RANBP17: variants seen among roughly 807,000 people sequenced by gnomAD.
RANBP17 encodes the protein RAN binding protein 17, also known as ran-binding protein 17.
A neutral mutation model predicts 141.2 loss-of-function variants in RANBP17; 158 were observed. That is an observed-to-expected ratio of 1.12 (90% CI 0.98 to 1.28). The LOEUF (loss-of-function observed/expected upper bound fraction) is 1.28, where lower values mean the gene tolerates loss of function less well. RANBP17 is among the 50% of genes most tolerant of loss of function. The pLI, the probability that RANBP17 is intolerant of heterozygous loss-of-function variation, is 0.00. For synonymous variants in RANBP17, 430 were observed against 450.0 expected (o/e 0.96, Z 0.56); for missense variants, 1,438 against 1,290.7 (o/e 1.11, Z -1.75).
intron 14 of RANBP17, among the ~76,000 whole-genome samples, chr5:171,033,159 T>C (rs1781657340): frequency 6.7e-6 from 1 of 149,512 alleles, no homozygotes; most frequent in Admixed American, 6.8e-5. Context: ...AGATGAGACG[T>C]TTTACTGCTA....
intron 14 of RANBP17, among the ~76,000 whole-genome samples, chr5:171,063,551 G>A (rs1784069101): frequency 6.6e-6 from 1 of 152,200 alleles, no homozygotes; most frequent in Non-Finnish European, 1.5e-5. Flanking sequence ...CCAGCCGTGT[G>A]AGGTGTCAGT....
chr5:171,005,597 G>A (rs1470878227), intron 14 of RANBP17, among the ~76,000 whole-genome samples: 2 of 152,130 alleles, frequency 1.3e-5, no homozygotes, highest in Non-Finnish European at 1.5e-5. Context: ...ATTAATTCAA[G>A]ATGGATTAAA....
Position 170,911,134 on chromosome 5 carries a change from A to C in RANBP17, c.760A>C (p.Ile254Leu), listed in dbSNP as rs1334014607. The C allele has an allele frequency of 1.9e-6, 3 of 1,611,124 alleles. No individual in the cohort carries two copies. In the East Asian group the frequency reaches 6.7e-5, roughly 36 times the overall value. Residue 254 changes from isoleucine (I) to leucine (L), a missense_variant and splice_region_variant, in exon 7 of 28, where the codon ATT becomes CTT. Physicochemically the swap from Ile to Leu is conservative, Grantham distance 5. Transcript: ENST00000523189. ...GCAGATTCCAACAACTTGGAGAACA[A>C]GTAAGAAAAAACTTTGGTATGAAGG... ...TVQIPTTWRT[I>L]FLEPETLDLF...
intron 14 of RANBP17, among the ~76,000 whole-genome samples, chr5:171,147,261 A>G (rs1024987603): frequency 1.2e-4 from 18 of 150,178 alleles, no homozygotes; most frequent in African/African-American, 3.9e-4. Context: ...AACATTTGCT[A>G]TTATTTTGTG....
intron 2 of RANBP17, among the ~76,000 whole-genome samples, 169 bp from the exon 3 acceptor site, chr5:170,881,637 G>C (rs1768700780): frequency 6.6e-6 from 1 of 152,082 alleles, no homozygotes; most frequent in Non-Finnish European, 1.5e-5. Flanking sequence ...CTGTGTATGT[G>C]TATCCTTTTC....
In RANBP17 at chr5:171,063,650, G is replaced by A. The variant is rs569799633; in HGVS notation, c.1710+95273G>A. On this transcript the variant is annotated intron_variant, in intron 14 of 27. Coordinates refer to ENST00000523189, the MANE Select transcript of RANBP17 (RefSeq NM_022897.5). ...TGAGGAGGCAGTCTGCCCGTTCTCA[G>A]ATCTCAAACTGCATGCTGGGAGAAC... Among the ~76,000 whole-genome samples, 25 of 152,370 alleles carry A rather than the reference G, an allele frequency of 1.6e-4. No homozygotes were observed. In the South Asian group the frequency reaches 5.2e-3, roughly 32 times the overall value.
At chr5:170,969,744 T>C (rs1234432733) in intron 14 of RANBP17, among the ~76,000 whole-genome samples, 2 of 152,030 alleles carry the variant, frequency 1.3e-5, no homozygotes, top group African/African-American at 2.4e-5. Context: ...AAACTTTTAA[T>C]ATAAGGTAAT....
At chr5:171,205,477 C>T (rs1216630820) in intron 19 of RANBP17, 47 bp from the exon 20 acceptor site, 2 of 1,482,546 alleles carry the variant, frequency 1.3e-6, no homozygotes, top group Non-Finnish European at 1.9e-6. Flanking sequence ...TCCATCTGCT[C>T]TGCGCTAACG....
chr5:171,149,136 C>A (rs1758294583), intron 14 of RANBP17, among the ~76,000 whole-genome samples: 1 of 152,188 alleles, frequency 6.6e-6, no homozygotes, highest in Non-Finnish European at 1.5e-5. Context: ...ATCACCTCAA[C>A]TTCCCTGGCC....
At chr5:171,024,429 A>G (rs760886757) in intron 14 of RANBP17, among the ~76,000 whole-genome samples, 5 of 152,180 alleles carry the variant, frequency 3.3e-5, no homozygotes, top group Non-Finnish European at 7.4e-5. Flanking sequence ...CTTTGTAACA[A>G]TAATGGGAAA....
intron 14 of RANBP17, among the ~76,000 whole-genome samples, chr5:170,999,836 C>T (rs1469186847): frequency 2.0e-5 from 3 of 152,122 alleles, no homozygotes; most frequent in Non-Finnish European, 4.4e-5. Flanking sequence ...ACCATCACCA[C>T]CATTCATCTC....
At chr5:171,270,115 C>G (rs1479739330) in intron 25 of RANBP17, among the ~76,000 whole-genome samples, 1 of 152,188 alleles carries the variant, frequency 6.6e-6, no homozygotes, top group African/African-American at 2.4e-5. Flanking sequence ...AACATCCTTA[C>G]AGGCCTTTCC....
chr5:171,088,940 T>C (rs1785942029), intron 14 of RANBP17, among the ~76,000 whole-genome samples: 1 of 152,014 alleles, frequency 6.6e-6, no homozygotes, highest in African/African-American at 2.4e-5. Flanking sequence ...AATTTGATCG[T>C]CTGAAGCCTT....
intron 25 of RANBP17, among the ~76,000 whole-genome samples, chr5:171,268,406 C>A (rs1489961321): frequency 6.6e-6 from 1 of 152,134 alleles, no homozygotes; most frequent in Non-Finnish European, 1.5e-5. Context: ...GAATTTGAAG[C>A]AAGGTCTGTT....
At chr5:170,982,234 A>G (rs968167724) in intron 14 of RANBP17, among the ~76,000 whole-genome samples, 2 of 142,990 alleles carry the variant, frequency 1.4e-5, no homozygotes, top group Non-Finnish European at 3.0e-5. Flanking sequence ...AGATATAGAT[A>G]TATAGGATCC....
chr5:171,042,577 T>G (rs998900823), intron 14 of RANBP17, among the ~76,000 whole-genome samples: 1 of 152,176 alleles, frequency 6.6e-6, no homozygotes, highest in African/African-American at 2.4e-5. Context: ...TTTACTTATA[T>G]TTTGAGGATG....
intron 12 of RANBP17, among the ~76,000 whole-genome samples, chr5:170,948,041 C>A (rs1581213987): frequency 6.6e-6 from 1 of 152,202 alleles, no homozygotes; most frequent in South Asian, 2.1e-4. Context: ...GACTACCATG[C>A]TAAGTATTGA....
intron 24 of RANBP17, among the ~76,000 whole-genome samples, chr5:171,258,378 A>T (rs1191856669): frequency 1.3e-5 from 2 of 152,170 alleles, no homozygotes; most frequent in Admixed American, 6.5e-5. Context: ...ATTTTTTTTT[A>T]AATCCTAAAA....
chr5:170,979,818 A>T (rs1777635544), intron 14 of RANBP17, among the ~76,000 whole-genome samples: 1 of 152,200 alleles, frequency 6.6e-6, no homozygotes, highest in South Asian at 2.1e-4. Context: ...CTAATAAAGT[A>T]AATTGGTACT....
Sources: gnomAD v4.1 joint callset for allele counts (sites outside exome capture counted in the v4.1 genomes callset) on GRCh38, gnomAD v4.1.1 for gene constraint, MANE v1.5 for transcripts, NCBI Gene and HGNC (gene_info 2026-07-23, HGNC 2026-07-21) for gene names.